Variants in IPO5 observed in about 807,000 individuals in gnomAD.
The protein encoded by IPO5 is importin-5.
Under a neutral mutation model 143.3 loss-of-function variants are expected in IPO5, and 18 were observed. The observed-to-expected ratio is 0.13, with a 90% CI of 0.09 to 0.19. IPO5 has a LOEUF of 0.19. Ranked by LOEUF, IPO5 falls within the 10% of genes least tolerant of loss-of-function variation. IPO5 has a pLI of 1.00. For synonymous variants in IPO5, 477 were observed against 465.7 expected, an observed-to-expected ratio of 1.02 and a Z score of -0.31; for missense variants, 1,013 against 1,336.9, an observed-to-expected ratio of 0.76 and a Z score of 3.78.
chr13:97,966,794 T>C (rs888352521), intron 2 of IPO5, among the ~76,000 whole-genome samples: 1 of 152,186 alleles, frequency 6.6e-6, no homozygotes, highest in African/African-American at 2.4e-5. Flanking sequence ...GTCAAAGCAC[T>C]TTGAGAGGCC....
At chr13:98,000,489 T>G (rs1475249917) in intron 12 of IPO5, 50 bp from the exon 13 acceptor site, 1 of 1,139,802 alleles carries the variant, frequency 8.8e-7, no homozygotes, top group Admixed American at 1.7e-5. Flanking sequence ...GTATACTATT[T>G]CTTTTGTGTT....
In IPO5 at chr13:98,000,614, C is replaced by A. The variant is rs749975649; in HGVS notation, c.1077C>A (p.Ile359=). 1 of 1,613,996 alleles carries A rather than the reference C, an allele frequency of 6.2e-7. No individual in the cohort carries two copies. Among genetic ancestry groups the A allele is most frequent in the South Asian group, 1.1e-5 (1 of 91,066 alleles). Residue 359 remains isoleucine, a synonymous_variant, in exon 13 of 29, where the codon ATC becomes ATA. Coordinates refer to ENST00000651721, the MANE Select transcript of IPO5 (RefSeq NM_002271.6). ...GTGGAAAGCTCGTTCTGCCGATGAT[C>A]AAGGAACACATTATGCAAATGCTTC... The part of the protein sequence containing the change: ...GLGGKLVLPM[I]KEHIMQMLQN...
At chr13:97,993,317 G>A (rs1887955173) in intron 11 of IPO5, 92 bp downstream of exon 11, 2 of 1,031,852 alleles carry the variant, frequency 1.9e-6, no homozygotes, top group Non-Finnish European at 2.9e-6. Flanking sequence ...AGATTGTTGA[G>A]AATATAATGA....
chr13:98,003,943 G>T (rs1359588900), intron 16 of IPO5, among the ~76,000 whole-genome samples: 1 of 152,118 alleles, frequency 6.6e-6, no homozygotes, highest in African/African-American at 2.4e-5. Flanking sequence ...CATCATTTTT[G>T]AGTATCCAAG....
intron 13 of IPO5, among the ~76,000 whole-genome samples, chr13:98,001,478 A>G (rs2139764975): frequency 6.6e-6 from 1 of 152,246 alleles, no homozygotes; most frequent in South Asian, 2.1e-4. Context: ...GGCACATGCC[A>G]CCACGCCCAG....
At chr13:97,976,016 T>C in intron 3 of IPO5, 1 of 938,524 alleles carries the variant, frequency 1.1e-6, no homozygotes, top group Middle Eastern at 5.4e-4. Flanking sequence ...GAAGTGGGTC[T>C]AAAGGGACTG....
intron 3 of IPO5, chr13:97,975,549 T>C (rs1273154160): frequency 2.6e-5 from 4 of 152,230 alleles, no homozygotes; most frequent in Non-Finnish European, 4.4e-5. Context: ...CCCTCTGATT[T>C]GTACACTGCT....
At position 98,003,381 on chromosome 13, in the gene IPO5, T is replaced by TA. The variant is rs577286914; in HGVS notation, c.1497+350dup. ...AATGCTGCAGGAAATTATCATATGGTAAAAAATTAGTGTGGTAGCATTGGG... is the reference window on the plus strand; with the variant it reads ...AATGCTGCAGGAAATTATCATATGGTAAAAAAATTAGTGTGGTAGCATTGGG... On this transcript the variant is annotated intron_variant, in intron 16 of 28. Coordinates refer to ENST00000651721, the MANE Select transcript of IPO5 (RefSeq NM_002271.6). Among the ~76,000 whole-genome samples the TA allele has an allele frequency of 8.5e-5, 13 of 152,142 alleles. No homozygotes were observed. In the East Asian group the frequency reaches 2.3e-3, roughly 27 times the overall value.
chr13:98,008,135 A>G lies in IPO5; in HGVS notation c.1793A>G (p.Asp598Gly), dbSNP rs767266660. The G allele has an allele frequency of 3.1e-6, 5 of 1,600,906 alleles. No homozygotes were observed. Among genetic ancestry groups the G allele is most frequent in the Non-Finnish European group, 3.4e-6 (4 of 1,167,950 alleles). The part of the protein sequence containing the change: ...QTDFNDMEDD[D>G]PQISYMISAW... ...GACTTCAATGATATGGAAGATGATG[A>G]TCCTCAGGTAAGTGGTCTTAATGCA... is the stretch of plus-strand genomic sequence containing the variant. Residue 598 changes from aspartate (D) to glycine (G), a missense_variant, in exon 18 of 29, where the codon GAT (aspartate) becomes GGT (glycine). Asp to Gly is a moderately conservative substitution (Grantham distance 94). This residue lies in a region of IPO5 where 685 missense variants were observed against 994.9 expected (regional missense o/e 0.69). Transcript: ENST00000651721.
At chr13:98,010,677 G>T (rs757309973) in intron 20 of IPO5, among the ~76,000 whole-genome samples, 1 of 151,584 alleles carries the variant, frequency 6.6e-6, no homozygotes, top group South Asian at 2.1e-4. Flanking sequence ...CAAAATGTTC[G>T]GTTATTATCC....
In IPO5 at chr13:98,009,781, T is replaced by C; in HGVS notation, c.1801-100T>C. ...CTTACTGCTTAAAGTACTGTGAACA[T>C]ATCAATAAAACATTGTTTCTATGAA... On this transcript the variant is annotated intron_variant, in intron 18 of 28. Transcript: ENST00000651721. 8.9e-6 allele frequency: 8 copies of C among 894,422 alleles called. No homozygotes were observed. In the South Asian group the frequency reaches 1.2e-4, roughly 14 times the overall value. 55.4% of individuals were successfully genotyped at this position (894,422 alleles called of 1,614,324 possible). A position where few individuals can be genotyped will look rare whatever the true frequency, so the allele number is the denominator to read the frequency against.
Position 98,019,748 on chromosome 13 carries a change from C to A in IPO5, c.3004C>A (p.Leu1002Ile). ...VLPHWLSWLP[L>I]HEDKEEAVQT... ...TCCACACTGGTTGTCTTGGCTTCCA[C>A]TACATGAAGATAAAGAAGAAGCTGT... The change falls in exon 27 of 29, where the codon CTA becomes ATA. Residue 1002 changes from leucine to isoleucine, a missense_variant. Leu to Ile is a conservative substitution (Grantham distance 5). Coordinates refer to ENST00000651721, the MANE Select transcript of IPO5 (RefSeq NM_002271.6). 1 of 1,614,114 alleles carries A rather than the reference C, an allele frequency of 6.2e-7. No homozygotes were observed. The highest frequency in any genetic ancestry group is 1.1e-5 in the South Asian group (1 of 91,084).
chr13:97,995,966 A>G (rs575895627), intron 11 of IPO5, among the ~76,000 whole-genome samples: 2 of 152,212 alleles, frequency 1.3e-5, no homozygotes, highest in Non-Finnish European at 2.9e-5. Flanking sequence ...TTTTTTGACC[A>G]ATCAGATACA....
At chr13:98,019,205 G>A (rs986856441) in intron 26 of IPO5, among the ~76,000 whole-genome samples, 13 of 152,132 alleles carry the variant, frequency 8.5e-5, no homozygotes, top group Non-Finnish European at 1.9e-4. Context: ...GCCCACCTCA[G>A]CCTCCCAAAG....
At chr13:97,990,893 G>A (rs1466452290) in intron 9 of IPO5, among the ~76,000 whole-genome samples, 3 of 151,888 alleles carry the variant, frequency 2.0e-5, no homozygotes, top group Non-Finnish European at 4.4e-5. Flanking sequence ...TTAATTACAG[G>A]GTGTGTAATA....
chr13:97,990,162 C>A lies in IPO5; in HGVS notation c.504C>A (p.His168Gln). ...GAATTTTTGGGAACCAGCAACAACA[C>A]TATTTAGATGTCATCAAACGAATGT... The part of the protein sequence containing the change: ...FPGIFGNQQQ[H>Q]YLDVIKRMLV... The change falls in exon 8 of 29, where the codon CAC becomes CAA. Residue 168 changes from histidine to glutamine, a missense_variant. His to Gln is a conservative substitution (Grantham distance 24, BLOSUM62 0). Around this residue, in one of 2 missense-constraint regions of IPO5, gnomAD observed 328 missense variants for 342.0 expected, o/e 0.96. Transcript: ENST00000651721. 1.2e-6 allele frequency: 2 copies of A among 1,613,126 alleles called. No individual in the cohort carries two copies. Among genetic ancestry groups the A allele is most frequent in the Non-Finnish European group, 1.7e-6 (2 of 1,179,338 alleles).
chr13:98,019,458 C>T lies in IPO5; in HGVS notation c.2837-123C>T, dbSNP rs138558452. The T allele has an allele frequency of 5.0e-5, 36 of 716,650 alleles. No homozygotes were observed. In the East Asian group the frequency reaches 6.5e-4, roughly 13 times the overall value. 44.4% of individuals were successfully genotyped at this position (716,650 alleles called of 1,614,324 possible). On this transcript the variant is annotated intron_variant, in intron 26 of 28. Coordinates refer to ENST00000651721, the MANE Select transcript of IPO5 (RefSeq NM_002271.6). ...TAATGACATAGCCAAGAAGACAACA[C>T]TTCCCATACACTTTAACATTTCTTT...
intron 28 of IPO5, 62 bp downstream of exon 28, chr13:98,021,195 T>TC: frequency 7.0e-7 from 1 of 1,429,814 alleles, no homozygotes; most frequent in Non-Finnish European, 9.4e-7. Flanking sequence ...TGTAGTCCTC[T>TC]ATGAGAAGAA....
In IPO5 at chr13:98,002,947, T is replaced by G; in HGVS notation, c.1407T>G (p.Phe469Leu). ...QAHAAAALINFTEDCPKSLLI... is the reference protein window; with the variant it reads ...QAHAAAALINLTEDCPKSLLI... Reference sequence around the variant, plus strand: ...ATGCAGCTGCTGCCCTCATTAACTTTACTGAAGACTGTCCCAAGTCACTAC... The same window carrying G: ...ATGCAGCTGCTGCCCTCATTAACTTGACTGAAGACTGTCCCAAGTCACTAC... The change falls in exon 16 of 29, where the codon TTT (phenylalanine) becomes TTG (leucine). Residue 469 changes from phenylalanine to leucine, a missense_variant. Transcript: ENST00000651721. 1 of 1,613,904 alleles carries G rather than the reference T, an allele frequency of 6.2e-7. No individual in the cohort carries two copies. The highest frequency in any genetic ancestry group is 8.5e-7 in the Non-Finnish European group (1 of 1,179,714).
Sources: allele counts gnomAD v4.1 joint callset (sites outside exome capture counted in the v4.1 genomes callset), GRCh38; gene constraint gnomAD v4.1.1; regional missense constraint gnomAD v4.1.1; transcripts MANE v1.5; gene names NCBI Gene and HGNC (gene_info 2026-07-23, HGNC 2026-07-21).